HPS5: variants seen among roughly 807,000 people sequenced by gnomAD.
HPS5 encodes HPS5 biogenesis of lysosomal organelles complex 2 subunit 2.
Under a neutral mutation model 128.0 loss-of-function variants are expected in HPS5, and 83 were observed. The observed-to-expected ratio is 0.65, with a 90% CI of 0.54 to 0.78. The LOEUF is 0.78. HPS5 is among the 30% of genes least tolerant of loss of function. HPS5 has a pLI of 0.00. For synonymous variants in HPS5, 475 were observed against 470.2 expected (o/e 1.01, Z -0.13); for missense variants, 1,281 against 1,326.2 (o/e 0.97, Z 0.53).
chr11:18,315,895 C>A (rs1330316462), intron 2 of HPS5, among the ~76,000 whole-genome samples: 2 of 152,176 alleles, frequency 1.3e-5, no homozygotes, highest in Non-Finnish European at 2.9e-5. Context: ...TCTATTCATT[C>A]TCCATAATGA....
intron 6 of HPS5, among the ~76,000 whole-genome samples, chr11:18,308,286 T>C (rs994893417): frequency 1.3e-5 from 2 of 152,240 alleles, no homozygotes; most frequent in Admixed American, 6.5e-5. Flanking sequence ...CATCCAATTT[T>C]ACCCTTTAGT....
rs2079313461 is a variant in HPS5 at position 18,306,207 on chromosome 11, T to C, written c.752A>G (p.Asp251Gly). Residue 251 changes from aspartate to glycine, a missense_variant, in exon 7 of 23, where the codon GAT becomes GGT. Physicochemically the swap from Asp to Gly is moderately conservative, Grantham distance 94. Coordinates refer to ENST00000349215, the MANE Select transcript of HPS5 (RefSeq NM_181507.2). ...CTGATGTGTACTTATAACTTCTCCA[T>C]CAAAGTTCACTTCCCACATCCTAGA... is the stretch of plus-strand genomic sequence containing the variant. Reference protein sequence around the residue: ...PGSRMWEVNFDGEVISTHQFK... With the variant: ...PGSRMWEVNFGGEVISTHQFK... 6 of 1,613,950 alleles carry C rather than the reference T, an allele frequency of 3.7e-6. 1 individual carries two copies. The highest frequency in any genetic ancestry group is 3.4e-6 in the Non-Finnish European group (4 of 1,179,970).
Position 18,291,650 on chromosome 11 carries a change from A to T in HPS5, c.2232T>A (p.Cys744Ter), listed in dbSNP as rs201669763. Residue 744 changes from cysteine to a stop codon, truncating the protein, a stop_gained, in exon 16 of 23, where the codon TGT (cysteine) becomes TGA (stop). Coordinates refer to ENST00000349215, the MANE Select transcript of HPS5 (RefSeq NM_181507.2). LOFTEE classifies it high-confidence loss of function. Reference protein sequence around the residue: ...RNDLAELTTLCLELNVLNSKI... With the variant: ...RNDLAELTTL ...TAGAATTCAATACATTCAACTCCAA[A>T]CATAATGTTGTCAATTCAGCCAGGT... 3 of 1,614,078 alleles carry T rather than the reference A, an allele frequency of 1.9e-6. No homozygotes were observed. The highest frequency in any genetic ancestry group is 2.5e-6 in the Non-Finnish European group (3 of 1,180,036).
intron 1 of HPS5, among the ~76,000 whole-genome samples, chr11:18,321,319 G>A (rs1864297693): frequency 6.6e-6 from 1 of 151,610 alleles, no homozygotes; most frequent in Non-Finnish European, 1.5e-5. Flanking sequence ...TAAACTTGCT[G>A]TGCCTCCATG....
intron 16 of HPS5, 34 bp from the exon 17 acceptor site, chr11:18,288,047 A>T: frequency 6.2e-7 from 1 of 1,610,966 alleles, no homozygotes; most frequent in South Asian, 1.1e-5. Flanking sequence ...TCCAAACTTT[A>T]TCTCTTAGGC....
chr11:18,305,695 A>G (rs1862267505), intron 7 of HPS5, among the ~76,000 whole-genome samples: 1 of 152,146 alleles, frequency 6.6e-6, no homozygotes, highest in Non-Finnish European at 1.5e-5. Context: ...TAATAAAAAT[A>G]AAAATCCAAC....
chr11:18,313,414 C>T (rs1176561667), intron 2 of HPS5, among the ~76,000 whole-genome samples: 1 of 152,222 alleles, frequency 6.6e-6, no homozygotes, highest in East Asian at 1.9e-4. Context: ...ATACAAAGAA[C>T]AATGTATAGC....
intron 16 of HPS5, among the ~76,000 whole-genome samples, chr11:18,291,157 G>A (rs551291876): frequency 1.6e-4 from 25 of 152,200 alleles, no homozygotes; most frequent in Non-Finnish European, 3.2e-4. Flanking sequence ...GGCGGAGGTT[G>A]CAGTGAGCCA....
chr11:18,295,014 G>A lies in HPS5; in HGVS notation c.1784+6C>T. The stretch of plus-strand genomic sequence containing the variant: ...AATGTATAGAGATTTATGTGTAAGG[G>A]CTTACTCAGTGTCTTCCTCCTTTGG... On this transcript the variant is annotated splice_donor_region_variant and intron_variant, in intron 14 of 22. Transcript: ENST00000349215. 1.2e-6 allele frequency: 2 copies of A among 1,613,750 alleles called. No individual in the cohort carries two copies. Among genetic ancestry groups the A allele is most frequent in the Non-Finnish European group, 1.7e-6 (2 of 1,179,722 alleles).
intron 18 of HPS5, 27 bp downstream of exon 18, chr11:18,287,508 A>G: frequency 1.2e-6 from 2 of 1,612,830 alleles, no homozygotes; most frequent in South Asian, 2.2e-5. Context: ...AAGAAAGGAG[A>G]GTCTGCAAAT....
intron 6 of HPS5, among the ~76,000 whole-genome samples, chr11:18,308,340 CAAAG>C (rs1166558372): frequency 2.6e-5 from 4 of 152,192 alleles, no homozygotes; most frequent in African/African-American, 9.7e-5. Flanking sequence ...CAACAAAACT[CAAAG>C]AAGACTTCCT....
intron 2 of HPS5, among the ~76,000 whole-genome samples, chr11:18,313,726 C>T (rs1863270473): frequency 6.6e-6 from 1 of 151,338 alleles, no homozygotes; most frequent in Admixed American, 6.6e-5. Flanking sequence ...CCATCCTGGC[C>T]AATAAAGTGA....
At position 18,287,695 on chromosome 11, in the gene HPS5, A is replaced by G. The variant is rs1859912137; in HGVS notation, c.2562-5T>C. Reference sequence around the variant, plus strand: ...TCCCCAAACTTTTCATACAACCTGCATTTAAAAACAAAACACTTTAGTCTC... The same window carrying G: ...TCCCCAAACTTTTCATACAACCTGCGTTTAAAAACAAAACACTTTAGTCTC... On this transcript the variant is annotated splice_polypyrimidine_tract_variant and splice_region_variant and intron_variant, in intron 17 of 22. Coordinates refer to ENST00000349215, the MANE Select transcript of HPS5 (RefSeq NM_181507.2). 1 of 1,614,014 alleles carries G rather than the reference A, an allele frequency of 6.2e-7. No homozygotes were observed. Among genetic ancestry groups the G allele is most frequent in the Non-Finnish European group, 8.5e-7 (1 of 1,179,968 alleles).
At chr11:18,301,430 G>T (rs1403189664) in intron 8 of HPS5, among the ~76,000 whole-genome samples, 4 of 140,518 alleles carry the variant, frequency 2.8e-5, no homozygotes, top group African/African-American at 1.1e-4. Flanking sequence ...TCCAGCCTGG[G>T]TGACAGCCTG....
chr11:18,310,804 A>T lies in HPS5; in HGVS notation c.414T>A (p.Val138=), dbSNP rs1331256981. The part of the protein sequence containing the change: ...ALCWDTAILR[V]FVGDHAGKVS... ...CCTTCCCAGCATGATCACCTACAAA[A>T]ACTCTAAGAATAGCTGTATCCCAGC... is the stretch of plus-strand genomic sequence containing the variant. The change falls in exon 5 of 23, where the codon GTT becomes GTA. Residue 138 remains valine, a synonymous_variant. Transcript: ENST00000349215. The T allele has an allele frequency of 6.2e-7, 1 of 1,613,978 alleles. No individual in the cohort carries two copies. Among genetic ancestry groups the T allele is most frequent in the Non-Finnish European group, 8.5e-7 (1 of 1,179,986 alleles).
At chr11:18,316,751 G>T (rs1863667451) in intron 2 of HPS5, among the ~76,000 whole-genome samples, 1 of 152,208 alleles carries the variant, frequency 6.6e-6, no homozygotes, top group Non-Finnish European at 1.5e-5. Flanking sequence ...CAAGTTTTCA[G>T]AAGAGGCTGT....
intron 11 of HPS5, 110 bp from the exon 12 acceptor site, chr11:18,297,094 C>T (rs1029132914): frequency 2.6e-6 from 2 of 779,686 alleles, no homozygotes; most frequent in Non-Finnish European, 4.2e-6. Flanking sequence ...TAATAACAAC[C>T]ATTATGGCTT....
intron 9 of HPS5, among the ~76,000 whole-genome samples, chr11:18,300,080 T>C (rs1861518762): frequency 1.3e-5 from 2 of 152,122 alleles, no homozygotes; most frequent in East Asian, 1.9e-4. Flanking sequence ...AGGATGACTA[T>C]AGTTAATAAT....
At chr11:18,293,372 T>C (rs887644685) in intron 14 of HPS5, among the ~76,000 whole-genome samples, 2 of 152,056 alleles carry the variant, frequency 1.3e-5, no homozygotes, top group East Asian at 3.9e-4. Context: ...TGGGGTTTCA[T>C]CATGTTAGTC....
Sources: allele counts gnomAD v4.1 joint callset (sites outside exome capture counted in the v4.1 genomes callset), GRCh38; gene constraint gnomAD v4.1.1; transcripts MANE v1.5; gene names NCBI Gene and HGNC (gene_info 2026-07-23, HGNC 2026-07-21).